The following DNAJC12 variants were observed in gnomAD, a reference collection of about 807,000 sequenced individuals.
DNAJC12 encodes the protein DnaJ heat shock protein family (Hsp40) member C12, also known as dnaJ homolog subfamily C member 12.
Under a neutral mutation model 28.5 loss-of-function variants are expected in DNAJC12, and 25 were observed. The observed-to-expected ratio is 0.88, with a 90% CI of 0.64 to 1.22. DNAJC12 has a LOEUF of 1.22. Ranked by LOEUF, DNAJC12 falls within the 50% of genes most tolerant of loss-of-function variation. The pLI is 0.00. For missense variants in DNAJC12, 222 were observed against 231.7 expected, an observed-to-expected ratio of 0.96 and a Z score of 0.27; for synonymous variants, 77 against 80.6, an observed-to-expected ratio of 0.95 and a Z score of 0.24.
chr10:67,834,429 C>T (rs549279875), intron 1 of DNAJC12, among the ~76,000 whole-genome samples: 12 of 152,290 alleles, frequency 7.9e-5, no homozygotes, highest in African/African-American at 2.4e-4. Flanking sequence ...CACAACTTAG[C>T]GCTCTGCACC....
chr10:67,835,452 G>A (rs1168258125), intron 1 of DNAJC12, among the ~76,000 whole-genome samples: 2 of 152,232 alleles, frequency 1.3e-5, no homozygotes, highest in African/African-American at 4.8e-5. Context: ...AGTATTTTAG[G>A]AGGCCGAGGT....
chr10:67,826,915 T>C (rs1358282351), intron 1 of DNAJC12, among the ~76,000 whole-genome samples: 1 of 141,144 alleles, frequency 7.1e-6, no homozygotes, highest in Non-Finnish European at 1.5e-5. Context: ...TTATATATGA[T>C]ATATAATATA....
intron 1 of DNAJC12, among the ~76,000 whole-genome samples, chr10:67,828,380 A>G (rs1037626623): frequency 1.3e-5 from 2 of 152,146 alleles, no homozygotes; most frequent in Non-Finnish European, 1.5e-5. Flanking sequence ...GTCAATTCTC[A>G]TAAGGAATGT....
intron 4 of DNAJC12, among the ~76,000 whole-genome samples, chr10:67,798,924 C>A (rs1047646045): frequency 6.6e-6 from 1 of 151,958 alleles, no homozygotes; most frequent in Non-Finnish European, 1.5e-5. Context: ...GCCACCACAC[C>A]CGGCTAATTT....
chr10:67,806,621 C>A (rs538300347), intron 3 of DNAJC12, among the ~76,000 whole-genome samples: 1 of 151,946 alleles, frequency 6.6e-6, no homozygotes, highest in Non-Finnish European at 1.5e-5. Context: ...GCAAGGAGTT[C>A]GAGACCATCC....
At chr10:67,808,069 T>C (rs868293886) in intron 3 of DNAJC12, among the ~76,000 whole-genome samples, 1 of 152,214 alleles carries the variant, frequency 6.6e-6, no homozygotes, top group African/African-American at 2.4e-5. Flanking sequence ...TTAGATAGTC[T>C]GCAAATCACT....
At chr10:67,800,289 A>G (rs1357916969) in intron 4 of DNAJC12, among the ~76,000 whole-genome samples, 1 of 151,778 alleles carries the variant, frequency 6.6e-6, no homozygotes, top group Non-Finnish European at 1.5e-5. Context: ...CCCAGGTGGC[A>G]CCTTAGCAGA....
At chr10:67,827,614 A>G (rs919063513) in intron 1 of DNAJC12, 1 of 152,024 alleles carries the variant, frequency 6.6e-6, no homozygotes, top group African/African-American at 2.4e-5. Flanking sequence ...TGAACCCAGG[A>G]GGCAGAGGTT....
At chr10:67,832,899 C>G (rs187766165) in intron 1 of DNAJC12, among the ~76,000 whole-genome samples, 3 of 152,304 alleles carry the variant, frequency 2.0e-5, no homozygotes, top group African/African-American at 7.2e-5. Flanking sequence ...CCATTTCATG[C>G]ACCCCCACAT....
At chr10:67,822,497 G>C (rs1218732834) in intron 2 of DNAJC12, among the ~76,000 whole-genome samples, 1 of 151,290 alleles carries the variant, frequency 6.6e-6, no homozygotes, top group Non-Finnish European at 1.5e-5. Context: ...TCCTTTTCGG[G>C]AAGTCTGGGT....
chr10:67,832,657 A>C lies in DNAJC12; in HGVS notation c.78+5277T>G, dbSNP rs548321490. On this transcript the variant is annotated intron_variant, in intron 1 of 4. Coordinates refer to ENST00000225171, the MANE Select transcript of DNAJC12 (RefSeq NM_021800.3). ...AAATGTAAAATTAATGAGAAAAAGA[A>C]AGTCACCATTAGGCAAACACCATAG... 2.6e-5 allele frequency among the ~76,000 whole-genome samples: 4 copies of C among 152,350 alleles called. No individual in the cohort carries two copies. In the East Asian group the frequency reaches 7.7e-4, roughly 29 times the overall value.
chr10:67,817,518 C>T (rs1841927652), intron 2 of DNAJC12, among the ~76,000 whole-genome samples: 1 of 152,186 alleles, frequency 6.6e-6, no homozygotes, highest in South Asian at 2.1e-4. Context: ...AGATACATTT[C>T]AAAATCTTTC....
intron 1 of DNAJC12, among the ~76,000 whole-genome samples, chr10:67,828,994 G>C (rs908030696): frequency 6.6e-6 from 1 of 152,042 alleles, no homozygotes; most frequent in South Asian, 2.1e-4. Context: ...AAGACAGCTC[G>C]GGCGCAGAGG....
intron 1 of DNAJC12, chr10:67,825,669 G>C (rs1246406571): frequency 6.0e-4 from 1 of 1,674 alleles, no homozygotes; most frequent in Non-Finnish European, 0.012. Context: ...TCAGTTCCGT[G>C]TCATCCTTAG....
intron 2 of DNAJC12, among the ~76,000 whole-genome samples, chr10:67,819,054 T>C (rs927835255): frequency 1.3e-5 from 2 of 151,656 alleles, no homozygotes; most frequent in Non-Finnish European, 2.9e-5. Flanking sequence ...GGGCCAGGGG[T>C]CGGGAGCGGT....
intron 1 of DNAJC12, among the ~76,000 whole-genome samples, chr10:67,826,293 C>G (rs1842028724): frequency 6.6e-6 from 1 of 151,382 alleles, no homozygotes; most frequent in Non-Finnish European, 1.5e-5. Context: ...GGCAACCACA[C>G]CCAGCTAATT....
intron 4 of DNAJC12, among the ~76,000 whole-genome samples, chr10:67,802,189 A>G (rs1411024992): frequency 2.0e-5 from 3 of 152,172 alleles, no homozygotes; most frequent in East Asian, 3.9e-4. Context: ...ACAATAGCAT[A>G]CATATCACAA....
At chr10:67,808,781 G>C (rs115086494) in intron 3 of DNAJC12, among the ~76,000 whole-genome samples, 3,429 of 152,210 alleles carry the variant, frequency 0.023, 132 homozygotes, top group African/African-American at 0.078. Context: ...ACCATGAGTG[G>C]ATTTTTCACT....
chr10:67,834,178 T>G, intron 1 of DNAJC12: 1 of 360,892 alleles, frequency 2.8e-6, no homozygotes, highest in Non-Finnish European at 5.5e-6. Context: ...TATAATTTTT[T>G]TTAATTTCTG....
Sources: allele counts gnomAD v4.1 joint callset (sites outside exome capture counted in the v4.1 genomes callset), GRCh38; gene constraint gnomAD v4.1.1; transcripts MANE v1.5; gene names NCBI Gene and HGNC (gene_info 2026-07-23, HGNC 2026-07-21).